Variants in INTS4 observed in about 807,000 individuals in gnomAD.
INTS4 encodes integrator complex subunit 4, also known as MSTP093.
In INTS4, 70 loss-of-function variants were observed where a neutral mutation model predicts 119.5. The observed-to-expected ratio is 0.59, with a 90% CI of 0.48 to 0.71. The LOEUF is 0.71. Among genes scored for constraint, INTS4 ranks in the 30% least tolerant of loss-of-function variants. INTS4 has a pLI of 0.00. For missense variants in INTS4, 867 were observed against 1,173.2 expected (o/e 0.74, Z 3.81); for synonymous variants, 316 against 419.6 (o/e 0.75, Z 3.02).
chr11:77,966,507 A>C (rs912813245), intron 4 of INTS4, among the ~76,000 whole-genome samples: 1 of 152,192 alleles, frequency 6.6e-6, no homozygotes, highest in African/African-American at 2.4e-5. Context: ...ATTCTCCTGC[A>C]TGTGAATGAC....
downstream of INTS4, chr11:77,878,563 G>A (rs561178527): frequency 1.1e-4 from 56 of 504,592 alleles, no homozygotes; most frequent in Admixed American, 7.0e-4. Context: ...CAAACACACC[G>A]TCACTTTAAG....
At chr11:77,955,326 G>A in intron 8 of INTS4, among the ~76,000 whole-genome samples, 1 of 152,132 alleles carries the variant, frequency 6.6e-6, no homozygotes, top group East Asian at 1.9e-4. Flanking sequence ...AACAGAGGAA[G>A]ACCCTGTCTC....
chr11:77,910,079 C>A (rs1953054600), intron 15 of INTS4, among the ~76,000 whole-genome samples: 1 of 152,096 alleles, frequency 6.6e-6, no homozygotes, highest in African/African-American at 2.4e-5. Context: ...TTGACCCAGC[C>A]ATCCCATTAC....
At chr11:77,881,201 T>C (rs1178754582) in intron 22 of INTS4, among the ~76,000 whole-genome samples, 1 of 152,224 alleles carries the variant, frequency 6.6e-6, no homozygotes, top group Non-Finnish European at 1.5e-5. Context: ...AGGTTTATAT[T>C]CTTATTCTCA....
chr11:77,917,365 G>A (rs1953229101), intron 15 of INTS4, among the ~76,000 whole-genome samples: 2 of 149,312 alleles, frequency 1.3e-5, no homozygotes, highest in South Asian at 4.2e-4. Flanking sequence ...CCAGACTGGA[G>A]TGCAGTGGCG....
chr11:77,914,617 A>T lies in INTS4; in HGVS notation c.1922+4204T>A, dbSNP rs1953164786. On this transcript the variant is annotated intron_variant, in intron 15 of 22. Coordinates refer to ENST00000534064, the MANE Select transcript of INTS4 (RefSeq NM_033547.4). ...TTCTGTAAAAGGTCAAATAGTAAAT[A>T]TGTTAGCTTTTACAGGCCGTATGGT... is the stretch of plus-strand genomic sequence containing the variant. 3.9e-5 allele frequency among the ~76,000 whole-genome samples: 6 copies of T among 152,330 alleles called. No homozygotes were observed. The South Asian group carries it at 1.2e-3, about 32-fold the overall frequency.
At position 77,964,442 on chromosome 11, in the gene INTS4, C is replaced by T. The variant is rs755476654; in HGVS notation, c.472-3304G>A. On this transcript the variant is annotated intron_variant, in intron 4 of 22. Transcript: ENST00000534064. ...AAAAAAAATTAGCCGGGCATGGTCG[C>T]GGGCACCTGTAGTCCCAGCTACTCG... Among the ~76,000 whole-genome samples the T allele has an allele frequency of 8.4e-4, 127 of 151,860 alleles. 1 individual carries two copies. Among genetic ancestry groups the T allele is most frequent in the Non-Finnish European group, 1.5e-3 (104 of 67,910 alleles).
chr11:77,885,155 G>C (rs570361281), intron 21 of INTS4, among the ~76,000 whole-genome samples: 4 of 151,876 alleles, frequency 2.6e-5, no homozygotes, highest in Non-Finnish European at 4.4e-5. Flanking sequence ...TCGGCTCACT[G>C]CAACCTCCGC....
chr11:77,956,945 T>C (rs1447373111), intron 7 of INTS4, among the ~76,000 whole-genome samples: 4 of 151,998 alleles, frequency 2.6e-5, no homozygotes, highest in Admixed American at 2.6e-4. Flanking sequence ...AAATTATGCT[T>C]TTTTTTGAGA....
In INTS4 at chr11:77,921,457, T is replaced by C; in HGVS notation, c.1647A>G (p.Val549=). The change falls in exon 14 of 23, where the codon GTA becomes GTG. Residue 549 remains valine, a synonymous_variant. Transcript: ENST00000534064. ...MDDPAYIAVL[V]LIFNAAKTCP... is the part of the protein sequence containing the mutation. ...AGGTTTTAGCAGCATTGAAAATAAG[T>C]ACCAAAACTGCAATATCTGATAGAT... 2 of 1,607,928 alleles carry C rather than the reference T, an allele frequency of 1.2e-6. No homozygotes were observed. Among genetic ancestry groups the C allele is most frequent in the East Asian group, 2.2e-5 (1 of 44,800 alleles).
At chr11:77,938,092 C>T (rs1352795616) in intron 10 of INTS4, among the ~76,000 whole-genome samples, 1 of 151,858 alleles carries the variant, frequency 6.6e-6, no homozygotes, top group Non-Finnish European at 1.5e-5. Context: ...AGTGATCCTC[C>T]AGCCTCAGCC....
In INTS4 at chr11:77,958,727, A is replaced by G; in HGVS notation, c.797+19T>C. The G allele has an allele frequency of 2.0e-6, 3 of 1,526,552 alleles. No individual in the cohort carries two copies. Among genetic ancestry groups the G allele is most frequent in the Non-Finnish European group, 2.7e-6 (3 of 1,103,062 alleles). The allele number at this position is 1,526,552 out of a possible 1,614,324, so 94.6% of individuals were successfully genotyped here. On this transcript the variant is annotated intron_variant, in intron 7 of 22. Transcript: ENST00000534064. ...AACGGCTTCACAATCAACAAAAGCC[A>G]GCTTACACCCACACTGACCTTTCAG...
chr11:77,919,066 C>G, intron 14 of INTS4, 88 bp from the exon 15 acceptor site: 1 of 1,404,802 alleles, frequency 7.1e-7, no homozygotes, highest in Non-Finnish European at 9.9e-7. Context: ...ACATTAAAAA[C>G]GTGAGCTAAA....
chr11:77,953,264 C>T (rs957912488), intron 8 of INTS4, among the ~76,000 whole-genome samples: 1 of 152,106 alleles, frequency 6.6e-6, no homozygotes, highest in Admixed American at 6.6e-5. Context: ...GGGAAGTGTC[C>T]AAAAAGAATC....
At chr11:77,938,403 T>C (rs1419930343) in intron 10 of INTS4, among the ~76,000 whole-genome samples, 1 of 152,200 alleles carries the variant, frequency 6.6e-6, no homozygotes, top group African/African-American at 2.4e-5. Context: ...TAGTTATTAT[T>C]ATCCCTGTTT....
At chr11:77,920,270 T>TATATATACACATATATATATATACACAC (rs1953324547) in intron 14 of INTS4, among the ~76,000 whole-genome samples, 1 of 114,018 alleles carries the variant, frequency 8.8e-6, no homozygotes, top group Non-Finnish European at 1.9e-5. Flanking sequence ...TATATACACA[T>TATATATACACATATATATATATACACAC]ATATATACAC....
At chr11:77,900,416 A>C (rs1248331318) in intron 18 of INTS4, among the ~76,000 whole-genome samples, 3 of 152,186 alleles carry the variant, frequency 2.0e-5, no homozygotes, top group Non-Finnish European at 4.4e-5. Context: ...AATATCTTTA[A>C]GATTAAATGA....
chr11:77,887,880 C>G (rs1952086072), intron 21 of INTS4, among the ~76,000 whole-genome samples: 1 of 152,128 alleles, frequency 6.6e-6, no homozygotes, highest in Admixed American at 6.5e-5. Flanking sequence ...TGTGAAGGAC[C>G]TCTTCAAGGA....
chr11:77,933,150 A>G lies in INTS4; in HGVS notation c.1166-4603T>C, dbSNP rs182067239. On this transcript the variant is annotated intron_variant, in intron 10 of 22. Coordinates refer to ENST00000534064, the MANE Select transcript of INTS4 (RefSeq NM_033547.4). The stretch of plus-strand genomic sequence containing the variant: ...ATCTTAATGGCAAACTGAAAACTGT[A>G]TAACTAAATCATATAAATGTTAAAA... Among the ~76,000 whole-genome samples, 784 of 152,222 alleles carry G rather than the reference A, an allele frequency of 5.2e-3. 3 individuals carry two copies. The highest frequency in any genetic ancestry group is 0.018 in the African/African-American group (739 of 41,526).
Sources: gnomAD v4.1 joint callset for allele counts (sites outside exome capture counted in the v4.1 genomes callset) on GRCh38, gnomAD v4.1.1 for gene constraint, MANE v1.5 for transcripts, NCBI Gene and HGNC (gene_info 2026-07-23, HGNC 2026-07-21) for gene names.